The following NFIC variants were observed in gnomAD, a reference collection of about 807,000 sequenced individuals.
NFIC encodes the protein nuclear factor 1 C-type.
A neutral mutation model predicts 54.4 loss-of-function variants in NFIC; 12 were observed. That is an observed-to-expected ratio of 0.22 (90% CI 0.14 to 0.36). The LOEUF (loss-of-function observed/expected upper bound fraction) is 0.36, where lower values mean the gene tolerates loss of function less well. NFIC is among the 10% of genes least tolerant of loss of function. The probability of loss-of-function intolerance (pLI) is 1.00; values close to 1 mark genes in which losing one functional copy is unlikely to be tolerated. For missense variants in NFIC, 575 were observed against 718.2 expected (o/e 0.80, Z 2.28); for synonymous variants, 322 against 319.2 (o/e 1.01, Z -0.09).
rs2081863395 is a variant in NFIC, at chr19:3,416,826, A to T, written c.563-8280A>T. Among the ~76,000 whole-genome samples the T allele has an allele frequency of 2.1e-5, 3 of 143,736 alleles. No homozygotes were observed. In the South Asian group the frequency reaches 6.6e-4, roughly 32 times the overall value. 94.3% of individuals were successfully genotyped at this position (143,736 alleles called of 152,430 possible). On this transcript the variant is annotated intron_variant, in intron 2 of 10. Transcript: ENST00000443272. ...GCGTGAGCCACCGTGCCCATCCTACATTTTTTTAAAAACACAAAATTCTGG... is the reference window on the plus strand; with the variant it reads ...GCGTGAGCCACCGTGCCCATCCTACTTTTTTTTAAAAACACAAAATTCTGG...
chr19:3,416,790 T>C (rs1323184584), intron 2 of NFIC, among the ~76,000 whole-genome samples: 4 of 151,832 alleles, frequency 2.6e-5, no homozygotes, highest in African/African-American at 9.6e-5. Flanking sequence ...CCCAAAGCAC[T>C]GGGATTACAG....
intron 3 of NFIC, among the ~76,000 whole-genome samples, chr19:3,429,342 G>A (rs1254295314): frequency 2.0e-5 from 3 of 149,352 alleles, no homozygotes; most frequent in East Asian, 3.9e-4. Flanking sequence ...TACTTGGGAG[G>A]CTGAGGTGGG....
chr19:3,464,331 C>G lies in NFIC; in HGVS notation c.*1562C>G, dbSNP rs1193308311. The G allele has an allele frequency of 1.0e-6, 1 of 985,076 alleles. No homozygotes were observed. Among genetic ancestry groups the G allele is most frequent in the Non-Finnish European group, 1.2e-6 (1 of 829,840 alleles). The allele number at this position is 985,076 out of a possible 1,614,324, so 61.0% of individuals were successfully genotyped here. A position where few individuals can be genotyped will look rare whatever the true frequency, so the allele number is the denominator to read the frequency against. ...CCCCCGCAGCCGTGTAGGGGGCCTC[C>G]CATCTGCTAAGCGTTTTTCCGTTGA... On this transcript the variant is annotated 3_prime_UTR_variant, in exon 11 of 11. Transcript: ENST00000443272.
intron 10 of NFIC, among the ~76,000 whole-genome samples, chr19:3,461,686 G>A (rs2082641061): frequency 6.6e-6 from 1 of 152,028 alleles, no homozygotes; most frequent in Non-Finnish European, 1.5e-5. Flanking sequence ...TCACACCACT[G>A]CATTCCAGCC....
At chr19:3,427,812 T>A (rs1599668754) in intron 3 of NFIC, among the ~76,000 whole-genome samples, 4 of 57,824 alleles carry the variant, frequency 6.9e-5, no homozygotes, top group Non-Finnish European at 5.9e-5. Context: ...CGAGACTCTG[T>A]CAAAAAAAAA....
chr19:3,417,137 G>A (rs1377904207), intron 2 of NFIC, among the ~76,000 whole-genome samples: 10 of 150,988 alleles, frequency 6.6e-5, no homozygotes, highest in African/African-American at 2.2e-4. Context: ...CGCCCGCCTT[G>A]GCCTCCCAAA....
In NFIC at chr19:3,375,965, G is replaced by A. The variant is rs959360423; in HGVS notation, c.31-5747G>A. Among the ~76,000 whole-genome samples the A allele has an allele frequency of 5.9e-5, 9 of 152,016 alleles. No homozygotes were observed. Among genetic ancestry groups the A allele is most frequent in the African/African-American group, 1.9e-4 (8 of 41,380 alleles). ...ACAGGCTGTTCTGAGAAAGGGACCC[G>A]TGGCCTTCCAGGGGGTCAGGGCCCT... On this transcript the variant is annotated intron_variant, in intron 1 of 10. Coordinates refer to ENST00000443272, the MANE Select transcript of NFIC (RefSeq NM_001245002.2). This position sits in a 1 kb window ranked among gnomAD's most constrained non-coding sequence, Gnocchi z 4.6.
chr19:3,381,390 C>T (rs1222091964), intron 1 of NFIC, among the ~76,000 whole-genome samples: 1 of 98,184 alleles, frequency 1.0e-5, no homozygotes, highest in Non-Finnish European at 2.2e-5. Flanking sequence ...AGCAAGACTC[C>T]GTCTCAAAAA....
intron 9 of NFIC, 85 bp from the exon 10 acceptor site, chr19:3,456,465 C>T (rs1274220991): frequency 1.3e-5 from 17 of 1,320,468 alleles, no homozygotes; most frequent in South Asian, 5.2e-5. Flanking sequence ...TGACGCCTGG[C>T]GGTGGCCACC....
intron 9 of NFIC, 47 bp from the exon 10 acceptor site, chr19:3,456,503 C>G: frequency 6.5e-7 from 1 of 1,542,708 alleles, no homozygotes; most frequent in South Asian, 1.2e-5. Context: ...CGCCCCGGCT[C>G]CCACAACCCC....
At chr19:3,426,469 A>G (rs967132010) in intron 3 of NFIC, among the ~76,000 whole-genome samples, 2 of 152,128 alleles carry the variant, frequency 1.3e-5, no homozygotes, top group Non-Finnish European at 2.9e-5. Flanking sequence ...AGACCAGAGC[A>G]GTCACTTCCA....
At chr19:3,442,331 AG>A (rs1159540453) in intron 6 of NFIC, among the ~76,000 whole-genome samples, 2 of 151,266 alleles carry the variant, frequency 1.3e-5, no homozygotes, top group African/African-American at 4.9e-5. Flanking sequence ...AGGGCGGGGC[AG>A]GCAGCCCCCA....
chr19:3,442,336 G>T (rs889205480), intron 6 of NFIC, among the ~76,000 whole-genome samples: 1 of 150,618 alleles, frequency 6.6e-6, no homozygotes, highest in Non-Finnish European at 1.5e-5. Context: ...GGGGCAGGCA[G>T]CCCCCATCCA....
chr19:3,423,479 T>C (rs1005503358), intron 2 of NFIC, among the ~76,000 whole-genome samples: 3 of 150,802 alleles, frequency 2.0e-5, no homozygotes, highest in African/African-American at 7.3e-5. Context: ...CTTTCGACGT[T>C]GGTTGCTGCC....
At chr19:3,436,133 T>TTTTGTTTGTTTG (rs10655460) in intron 6 of NFIC, among the ~76,000 whole-genome samples, 3,065 of 147,768 alleles carry the variant, frequency 0.021, 66 homozygotes, top group African/African-American at 0.059. Flanking sequence ...CGGCCTCTGT[T>TTTTGTTTGTTTG]TTTGTTTGTT....
Position 3,366,693 on chromosome 19 carries a change from G to GGCGCCCCC in NFIC, c.30+36_30+43dup, listed in dbSNP as rs961892930. 1.9e-5 allele frequency: 26 copies of GGCGCCCCC among 1,359,438 alleles called. No homozygotes were observed. The African/African-American group carries it at 2.6e-4, about 14-fold the overall frequency. The allele number at this position is 1,359,438 out of a possible 1,614,324, so 84.2% of individuals were successfully genotyped here. ...TACGGTCCTCGCCCGGCCCCCCGCC[G>GGCGCCCCC]GCGCCCCCGCGCCCCCCGCATCCCA... On this transcript the variant is annotated intron_variant, in intron 1 of 10. Coordinates refer to ENST00000443272, the MANE Select transcript of NFIC (RefSeq NM_001245002.2).
At position 3,463,392 on chromosome 19, in the gene NFIC, G is replaced by A. The variant is rs1260135986; in HGVS notation, c.*623G>A. On this transcript the variant is annotated 3_prime_UTR_variant, in exon 11 of 11. Transcript: ENST00000443272. ...GCAGCGGAGACCGCAGAGGCGGGCAGGGTGGGGCAGGCGAGTGGTGTCGCG... is the reference window on the plus strand; with the variant it reads ...GCAGCGGAGACCGCAGAGGCGGGCAAGGTGGGGCAGGCGAGTGGTGTCGCG... 5 of 985,688 alleles carry A rather than the reference G, an allele frequency of 5.1e-6. No homozygotes were observed. The highest frequency in any genetic ancestry group is 6.0e-6 in the Non-Finnish European group (5 of 830,240). The allele number at this position is 985,688 out of a possible 1,614,324, so 61.1% of individuals were successfully genotyped here.
chr19:3,363,263 A>ATT (rs1210474799), upstream of NFIC, among the ~76,000 whole-genome samples: 22 of 60,890 alleles, frequency 3.6e-4, no homozygotes, highest in African/African-American at 1.2e-3. Context: ...ATATATATAT[A>ATT]TATATATTTT....
intron 6 of NFIC, among the ~76,000 whole-genome samples, chr19:3,438,363 C>G (rs1264656359): frequency 6.6e-6 from 1 of 151,110 alleles, no homozygotes; most frequent in Non-Finnish European, 1.5e-5. Context: ...CAGAGGAGGT[C>G]TGTGCTCCTG....
Sources: allele counts gnomAD v4.1 joint callset (sites outside exome capture counted in the v4.1 genomes callset), GRCh38; gene constraint gnomAD v4.1.1; non-coding constraint Gnocchi (gnomAD v3.1); transcripts MANE v1.5; gene names NCBI Gene and HGNC (gene_info 2026-07-23, HGNC 2026-07-21).